Variants in CPVL observed in about 807,000 individuals in gnomAD.
CPVL encodes the protein carboxypeptidase vitellogenic like.
CPVL carries 51 observed loss-of-function variants against 63.7 expected under a neutral mutation model. The observed-to-expected ratio is 0.80, with a 90% confidence interval of 0.64 to 1.01. The LOEUF (loss-of-function observed/expected upper bound fraction) is 1.01, where lower values mean the gene tolerates loss of function less well. Among genes scored for constraint, CPVL ranks in the 50% least tolerant of loss-of-function variants. CPVL has a pLI of 0.00. For synonymous variants in CPVL, 195 were observed against 206.0 expected, an observed-to-expected ratio of 0.95 and a Z score of 0.46; for missense variants, 530 against 573.1, an observed-to-expected ratio of 0.92 and a Z score of 0.77.
At chr7:29,046,205 C>T (rs980080544) in intron 11 of CPVL, among the ~76,000 whole-genome samples, 3 of 151,858 alleles carry the variant, frequency 2.0e-5, no homozygotes, top group Non-Finnish European at 2.9e-5. Context: ...CTGCCTCAAC[C>T]TCCCAAGTAG....
At chr7:29,010,146 G>A (rs1190457202) in intron 12 of CPVL, 2 of 152,142 alleles carry the variant, frequency 1.3e-5, no homozygotes, top group Admixed American at 1.3e-4. Flanking sequence ...AGATGACAGA[G>A]CCGGTGCCAG....
At chr7:29,085,824 G>A (rs1785146214) in intron 7 of CPVL, among the ~76,000 whole-genome samples, 1 of 152,080 alleles carries the variant, frequency 6.6e-6, no homozygotes, top group Admixed American at 6.5e-5. Flanking sequence ...CATAACCTAA[G>A]CACTGAGGAA....
rs1784437382 is a variant in CPVL at position 28,999,800 on chromosome 7, A to G, written c.1321-3918T>C. Among the ~76,000 whole-genome samples, 3 of 152,214 alleles carry G rather than the reference A, an allele frequency of 2.0e-5. No individual in the cohort carries two copies. The South Asian group carries it at 6.2e-4, about 32-fold the overall frequency. On this transcript the variant is annotated intron_variant, in intron 12 of 12. Coordinates refer to ENST00000265394, the MANE Select transcript of CPVL (RefSeq NM_031311.5). ...TGTTTCACATGCCACAAAATTCCCAAACAAAGCATATTCTTAAGCAGATTC... is the reference window on the plus strand; with the variant it reads ...TGTTTCACATGCCACAAAATTCCCAGACAAAGCATATTCTTAAGCAGATTC...
At chr7:29,154,074 C>T (rs1392453748) in intron 5 of CPVL, among the ~76,000 whole-genome samples, 1 of 152,144 alleles carries the variant, frequency 6.6e-6, no homozygotes, top group African/African-American at 2.4e-5. Context: ...GTTGACAGCC[C>T]TAACCTCTGC....
At position 29,056,958 on chromosome 7, in the gene CPVL, T is replaced by C. The variant is rs143603438; in HGVS notation, c.1137+7103A>G. Among the ~76,000 whole-genome samples, 513 of 147,476 alleles carry C rather than the reference T, an allele frequency of 3.5e-3. 6 individuals are homozygous for C. The highest frequency in any genetic ancestry group is 0.012 in the African/African-American group (489 of 40,270). ...AACATCTTTTCCTTTTCTTTTTTTT[T>C]TTTTTTTTTTGAGACAGGGTCTCAC... On this transcript the variant is annotated intron_variant, in intron 11 of 12. Transcript: ENST00000265394.
In CPVL at chr7:29,096,221, G is replaced by C. The variant is rs746836940; in HGVS notation, c.289-4C>G. ...CTGGGGCATCTTCTGGCTGTATCTA[G>C]AGGAAACAGTAAAACCAGTGACCAC... On this transcript the variant is annotated splice_region_variant and splice_polypyrimidine_tract_variant and intron_variant, in intron 3 of 12. Transcript: ENST00000265394. 6.2e-7 allele frequency: 1 copy of C among 1,608,944 alleles called. No homozygotes were observed. The highest frequency in any genetic ancestry group is 8.5e-7 in the Non-Finnish European group (1 of 1,175,322).
intron 11 of CPVL, among the ~76,000 whole-genome samples, chr7:29,056,929 G>A (rs1790791742): frequency 6.9e-6 from 1 of 145,528 alleles, no homozygotes; most frequent in African/African-American, 2.5e-5. Context: ...GACATATGAT[G>A]TTGAACATCT....
chr7:29,114,997 A>G (rs1788638265), intron 2 of CPVL, among the ~76,000 whole-genome samples: 1 of 152,158 alleles, frequency 6.6e-6, no homozygotes, highest in African/African-American at 2.4e-5. Flanking sequence ...GGCTAGCACA[A>G]TAGAAGAGCA....
intron 5 of CPVL, among the ~76,000 whole-genome samples, chr7:29,176,801 G>C (rs1797408183): frequency 6.6e-6 from 1 of 152,140 alleles, no homozygotes. Flanking sequence ...AGAAGGAAGA[G>C]CATATAAATA....
intron 7 of CPVL, 61 bp downstream of exon 7, chr7:29,086,423 C>G: frequency 1.7e-6 from 2 of 1,153,600 alleles, no homozygotes; most frequent in African/African-American, 1.5e-5. Context: ...AAACTACACT[C>G]ATAATATATG....
At chr7:29,161,990 T>C (rs565716418) in intron 5 of CPVL, among the ~76,000 whole-genome samples, 2 of 152,270 alleles carry the variant, frequency 1.3e-5, no homozygotes, top group Non-Finnish European at 2.9e-5. Flanking sequence ...TATAAACCTA[T>C]TAGAATAGCT....
At chr7:29,141,792 G>A (rs1406099997) in intron 1 of CPVL, among the ~76,000 whole-genome samples, 1 of 151,800 alleles carries the variant, frequency 6.6e-6, no homozygotes, top group Admixed American at 6.6e-5. Context: ...GTACACGCCT[G>A]TAGTCCCAGC....
chr7:29,053,594 A>G (rs957291041), intron 11 of CPVL, among the ~76,000 whole-genome samples: 1 of 152,222 alleles, frequency 6.6e-6, no homozygotes, highest in African/African-American at 2.4e-5. Context: ...AGTGGAAATC[A>G]TTGCTAATGA....
At chr7:29,152,716 T>C (rs760347160) in intron 5 of CPVL, among the ~76,000 whole-genome samples, 6 of 152,240 alleles carry the variant, frequency 3.9e-5, no homozygotes, top group Non-Finnish European at 7.3e-5. Context: ...GCTCTTTTGC[T>C]CTGAGACGGT....
intron 6 of CPVL, among the ~76,000 whole-genome samples, chr7:29,092,356 ATGT>A (rs1461800374): frequency 6.6e-6 from 1 of 152,208 alleles, no homozygotes; most frequent in Admixed American, 6.5e-5. Flanking sequence ...ATCTGAAAAG[ATGT>A]TGTCTCCCTG....
chr7:29,165,642 GCATT>G (rs1795812236), intron 5 of CPVL, among the ~76,000 whole-genome samples: 1 of 152,172 alleles, frequency 6.6e-6, no homozygotes, highest in African/African-American at 2.4e-5. Context: ...TAAATGAAAA[GCATT>G]CAGTCTTTCA....
At chr7:29,188,183 C>A (rs1474265442) in intron 1 of CPVL, among the ~76,000 whole-genome samples, 1 of 152,180 alleles carries the variant, frequency 6.6e-6, no homozygotes, top group Non-Finnish European at 1.5e-5. Flanking sequence ...CCTAGAGTTC[C>A]TAACTGGACT....
intron 11 of CPVL, among the ~76,000 whole-genome samples, chr7:29,049,384 C>T (rs984320042): frequency 2.6e-5 from 4 of 152,066 alleles, no homozygotes; most frequent in African/African-American, 9.7e-5. Flanking sequence ...CTACTATGAA[C>T]ACCTTTACAC....
At chr7:29,026,190 T>C (rs1787474687) in intron 12 of CPVL, among the ~76,000 whole-genome samples, 1 of 151,970 alleles carries the variant, frequency 6.6e-6, no homozygotes, top group Middle Eastern at 3.2e-3. Context: ...TATAAACACA[T>C]GAAAATTAAA....
Sources: gnomAD v4.1 joint callset for allele counts (sites outside exome capture counted in the v4.1 genomes callset) on GRCh38, gnomAD v4.1.1 for gene constraint, MANE v1.5 for transcripts, NCBI Gene and HGNC (gene_info 2026-07-23, HGNC 2026-07-21) for gene names.